The following HYDIN variants were observed in gnomAD, a reference collection of about 807,000 sequenced individuals.
HYDIN encodes axonemal central pair apparatus protein HYDIN.
In HYDIN, 132 loss-of-function variants were observed where a neutral mutation model predicts 403.9. The ratio of observed to expected loss-of-function variants is 0.33; its 90% confidence interval spans 0.28 to 0.38. The LOEUF (loss-of-function observed/expected upper bound fraction) is 0.38, where lower values mean the gene tolerates loss of function less well. HYDIN is among the 10% of genes least tolerant of loss of function. HYDIN has a pLI of 1.00. For synonymous variants in HYDIN, 1,202 were observed against 1,891.7 expected, an observed-to-expected ratio of 0.64 and a Z score of 9.46; for missense variants, 2,827 against 5,009.5, an observed-to-expected ratio of 0.56 and a Z score of 13.15.
intron 41 of HYDIN, among the ~76,000 whole-genome samples, chr16:70,950,078 C>T (rs376583248): frequency 5.0e-5 from 7 of 139,254 alleles, no homozygotes; most frequent in African/African-American, 1.9e-4. Flanking sequence ...GTCAGAACAA[C>T]GTAAGACTGA....
chr16:70,986,353 G>A (rs1041321181), intron 27 of HYDIN, among the ~76,000 whole-genome samples: 30 of 151,968 alleles, frequency 2.0e-4, no homozygotes, highest in Non-Finnish European at 3.1e-4. Context: ...GAAAAGCTAG[G>A]GTGAGGTCTG....
intron 9 of HYDIN, among the ~76,000 whole-genome samples, chr16:71,118,195 T>C (rs2084116807): frequency 6.6e-6 from 1 of 152,088 alleles, no homozygotes; most frequent in Admixed American, 6.5e-5. Context: ...TTTCTGCTTC[T>C]CTGAAGCCCT....
intron 20 of HYDIN, among the ~76,000 whole-genome samples, chr16:71,025,903 TCTTC>T (rs1047555493): frequency 1.4e-4 from 21 of 152,108 alleles, no homozygotes; most frequent in African/African-American, 4.8e-4. Flanking sequence ...TTTGTCTTTT[TCTTC>T]CTTTTTTTTT....
intron 14 of HYDIN, among the ~76,000 whole-genome samples, chr16:71,068,575 CTGAGA>C (rs1446966853): frequency 2.7e-5 from 4 of 150,906 alleles, no homozygotes; most frequent in Non-Finnish European, 4.4e-5. Context: ...TAAAATCTTC[CTGAGA>C]TATCTGGGAA....
At chr16:70,908,065 T>A (rs529290866) in intron 49 of HYDIN, among the ~76,000 whole-genome samples, 187 bp downstream of exon 49, 3 of 152,334 alleles carry the variant, frequency 2.0e-5, no homozygotes, top group African/African-American at 7.2e-5. Context: ...AGTCTAGGAA[T>A]CCTGGTAGTA....
chr16:71,017,378 C>T (rs1157846958), intron 23 of HYDIN, among the ~76,000 whole-genome samples: 1 of 150,058 alleles, frequency 6.7e-6, no homozygotes, highest in Non-Finnish European at 1.5e-5. Flanking sequence ...AAGTGTTTGG[C>T]AGTTCCCCTC....
At chr16:71,179,072 G>T (rs1038468350) in intron 3 of HYDIN, 25 bp from the exon 4 acceptor site, 1 of 1,595,820 alleles carries the variant, frequency 6.3e-7, no homozygotes, top group Non-Finnish European at 8.6e-7. Context: ...GTAAATTATT[G>T]TTATAGTCAC....
intron 15 of HYDIN, 91 bp from the exon 16 acceptor site, chr16:71,064,931 G>C: frequency 7.1e-7 from 1 of 1,416,664 alleles, no homozygotes; most frequent in Non-Finnish European, 9.6e-7. Context: ...ATTTGTCAGT[G>C]TCACATAGTA....
At chr16:70,916,522 C>T (rs978919081) in intron 47 of HYDIN, among the ~76,000 whole-genome samples, 6 of 152,154 alleles carry the variant, frequency 3.9e-5, no homozygotes, top group Non-Finnish European at 8.8e-5. Flanking sequence ...CAGGAGCAGT[C>T]TGCTGCTTGC....
At chr16:71,167,592 C>A (rs569906181) in intron 5 of HYDIN, among the ~76,000 whole-genome samples, 1 of 151,838 alleles carries the variant, frequency 6.6e-6, no homozygotes, top group African/African-American at 2.4e-5. Context: ...GTTTTCAGAC[C>A]TTTTCAAGTT....
At chr16:70,854,608 T>C (rs2038900218) in intron 73 of HYDIN, among the ~76,000 whole-genome samples, 1 of 136,602 alleles carries the variant, frequency 7.3e-6, no homozygotes, top group African/African-American at 2.8e-5. Context: ...AGAGACGGGG[T>C]TTCACCATGT....
chr16:71,137,010 A>C (rs1187860311), intron 8 of HYDIN, 141 bp downstream of exon 8: 1 of 605,188 alleles, frequency 1.7e-6, no homozygotes, highest in African/African-American at 1.9e-5. Context: ...AGAGGATCTT[A>C]AACCAGAACC....
intron 5 of HYDIN, among the ~76,000 whole-genome samples, chr16:71,165,847 T>C (rs1374481842): frequency 1.4e-5 from 2 of 148,000 alleles, no homozygotes; most frequent in East Asian, 4.1e-4. Flanking sequence ...GGAAGTGTGA[T>C]TTGGAACCTG....
chr16:71,207,514 C>G (rs1434078063), intron 1 of HYDIN, among the ~76,000 whole-genome samples: 1 of 152,210 alleles, frequency 6.6e-6, no homozygotes, highest in East Asian at 1.9e-4. Flanking sequence ...ACCACACAAA[C>G]AAGTCTTCAT....
intron 1 of HYDIN, among the ~76,000 whole-genome samples, chr16:71,196,887 C>T (rs1479902031): frequency 1.3e-5 from 2 of 152,146 alleles, no homozygotes; most frequent in African/African-American, 4.8e-5. Context: ...AAAGGGGAGG[C>T]ATGAATAATC....
intron 45 of HYDIN, among the ~76,000 whole-genome samples, chr16:70,931,661 T>C (rs544218367): frequency 5.1e-4 from 78 of 152,266 alleles, no homozygotes; most frequent in African/African-American, 1.7e-3. Context: ...GATTTCATTT[T>C]ATAGGATAAA....
intron 9 of HYDIN, among the ~76,000 whole-genome samples, chr16:71,125,457 A>G (rs2084417643): frequency 6.6e-6 from 1 of 152,234 alleles, no homozygotes; most frequent in Non-Finnish European, 1.5e-5. Context: ...CCTGACCTCA[A>G]GAAGCTCAGA....
At chr16:70,875,079 A>G (rs2040368309) in intron 62 of HYDIN, among the ~76,000 whole-genome samples, 160 bp from the exon 63 acceptor site, 1 of 152,088 alleles carries the variant, frequency 6.6e-6, no homozygotes, top group Non-Finnish European at 1.5e-5. Flanking sequence ...AATAATAAAT[A>G]TTAGACCTGG....
intron 47 of HYDIN, among the ~76,000 whole-genome samples, chr16:70,910,617 T>G (rs1293212118): frequency 2.8e-5 from 4 of 144,120 alleles, no homozygotes; most frequent in Admixed American, 7.1e-5. Flanking sequence ...GATCCAGATC[T>G]GCTGGATCAA....
Sources: gnomAD v4.1 joint callset for allele counts (sites outside exome capture counted in the v4.1 genomes callset) on GRCh38, gnomAD v4.1.1 for gene constraint, MANE v1.5 for transcripts, NCBI Gene and HGNC (gene_info 2026-07-23, HGNC 2026-07-21) for gene names.